MRPS27: variants seen among roughly 807,000 people sequenced by gnomAD.
MRPS27 encodes the protein small ribosomal subunit protein mS27.
A neutral mutation model predicts 48.9 loss-of-function variants in MRPS27; 43 were observed. The observed-to-expected ratio is 0.88, with a 90% confidence interval of 0.69 to 1.13. The LOEUF (loss-of-function observed/expected upper bound fraction) is 1.13, where lower values mean the gene tolerates loss of function less well. MRPS27 is among the 50% of genes most tolerant of loss of function. MRPS27 has a pLI of 0.00. For synonymous variants in MRPS27, 188 were observed against 171.9 expected (o/e 1.09, Z -0.73); for missense variants, 467 against 476.3 (o/e 0.98, Z 0.18).
intron 4 of MRPS27, among the ~76,000 whole-genome samples, chr5:72,247,234 C>A (rs566424083): frequency 2.0e-5 from 3 of 152,136 alleles, no homozygotes; most frequent in Non-Finnish European, 4.4e-5. Flanking sequence ...ACACAGCTTA[C>A]GGGCCAAACA....
chr5:72,309,651 T>TA (rs1216443543), intron 2 of MRPS27, among the ~76,000 whole-genome samples: 1 of 152,216 alleles, frequency 6.6e-6, no homozygotes, highest in Non-Finnish European at 1.5e-5. Context: ...TGACTGACTA[T>TA]ACCCAACACC....
chr5:72,271,845 C>T (rs147061961), intron 4 of MRPS27, among the ~76,000 whole-genome samples: 166 of 152,280 alleles, frequency 1.1e-3, no homozygotes, highest in African/African-American at 3.7e-3. Flanking sequence ...AAAAGGAGCA[C>T]GTGCCAGCCA....
At chr5:72,225,855 T>C (rs2289281) in intron 9 of MRPS27, among the ~76,000 whole-genome samples, 18,099 of 150,964 alleles carry the variant, frequency 0.12, 1,457 homozygotes, top group East Asian at 0.43. Flanking sequence ...GAACTATAAA[T>C]CAATGTTAAT....
At chr5:72,238,184 A>G (rs765089754) in intron 4 of MRPS27, 56 bp from the exon 5 acceptor site, 1 of 1,172,868 alleles carries the variant, frequency 8.5e-7, no homozygotes, top group Non-Finnish European at 1.3e-6. Flanking sequence ...GTTAAAACAC[A>G]TCTTCCATCG....
chr5:72,235,683 T>C (rs1268885748), intron 5 of MRPS27, among the ~76,000 whole-genome samples: 1 of 152,118 alleles, frequency 6.6e-6, no homozygotes. Flanking sequence ...CCCAAAATAA[T>C]TGAGGATGTT....
intron 4 of MRPS27, among the ~76,000 whole-genome samples, chr5:72,244,138 T>G (rs1361198285): frequency 6.6e-6 from 1 of 151,628 alleles, no homozygotes; most frequent in Non-Finnish European, 1.5e-5. Flanking sequence ...TGTGAGTAGT[T>G]TTTTTTTTGA....
At chr5:72,270,135 G>T (rs567452762) in intron 4 of MRPS27, among the ~76,000 whole-genome samples, 1 of 150,760 alleles carries the variant, frequency 6.6e-6, no homozygotes, top group Admixed American at 6.6e-5. Flanking sequence ...GGAGGTTACA[G>T]TGAGCTGAGA....
At chr5:72,297,074 C>A in intron 3 of MRPS27, among the ~76,000 whole-genome samples, 1 of 152,206 alleles carries the variant, frequency 6.6e-6, no homozygotes, top group Middle Eastern at 3.4e-3. Flanking sequence ...TAAACCATGT[C>A]TTACATAGAC....
intron 4 of MRPS27, among the ~76,000 whole-genome samples, chr5:72,282,595 T>G (rs902205522): frequency 2.0e-5 from 3 of 152,030 alleles, no homozygotes; most frequent in African/African-American, 7.2e-5. Flanking sequence ...ATTTTAGGAG[T>G]TTAAGGTTTA....
At chr5:72,306,853 T>C (rs973473118) in intron 2 of MRPS27, among the ~76,000 whole-genome samples, 3 of 152,150 alleles carry the variant, frequency 2.0e-5, no homozygotes, top group African/African-American at 7.2e-5. Context: ...GGTGGGGAGT[T>C]GATGAAACAA....
At chr5:72,232,676 A>G (rs1306295166) in intron 6 of MRPS27, 118 bp from the exon 7 acceptor site, 2 of 688,490 alleles carry the variant, frequency 2.9e-6, no homozygotes, top group African/African-American at 1.8e-5. Flanking sequence ...ATGCAGAATT[A>G]AGAAGTAAAA....
chr5:72,238,180 A>G, intron 4 of MRPS27, 52 bp from the exon 5 acceptor site: 1 of 1,236,014 alleles, frequency 8.1e-7, no homozygotes, highest in East Asian at 2.3e-5. Flanking sequence ...ATATGTTAAA[A>G]CACATCTTCC....
At chr5:72,226,377 G>A (rs986627651) in intron 8 of MRPS27, 178 bp from the exon 9 acceptor site, 8 of 660,940 alleles carry the variant, frequency 1.2e-5, no homozygotes, top group South Asian at 2.2e-5. Context: ...GGATAATGAC[G>A]AATGTGGTAA....
At chr5:72,303,096 G>C (rs1483113002) in intron 2 of MRPS27, among the ~76,000 whole-genome samples, 1 of 152,132 alleles carries the variant, frequency 6.6e-6, no homozygotes, top group African/African-American at 2.4e-5. Flanking sequence ...GCATATCCAT[G>C]GTTGCCTGGG....
Position 72,221,235 on chromosome 5 carries a change from A to T in MRPS27, c.1006-87T>A, listed in dbSNP as rs1747732348. On this transcript the variant is annotated intron_variant, in intron 10 of 10. Coordinates refer to ENST00000261413, the MANE Select transcript of MRPS27 (RefSeq NM_015084.3). ...AGGAAAAACTAGCCCTGAGTGACTG[A>T]CTTTAGATTTGAACAAAAGTTTGCT... 8.0e-6 allele frequency: 12 copies of T among 1,492,594 alleles called. No individual in the cohort carries two copies. The East Asian group carries it at 2.5e-4, about 31-fold the overall frequency. The allele number at this position is 1,492,594 out of a possible 1,614,324, so 92.5% of individuals were successfully genotyped here.
chr5:72,293,806 T>C (rs1441902995), intron 4 of MRPS27, among the ~76,000 whole-genome samples: 1 of 152,208 alleles, frequency 6.6e-6, no homozygotes, highest in Non-Finnish European at 1.5e-5. Context: ...AAAAACAGTT[T>C]ATATTTAGAA....
At position 72,220,860 on chromosome 5, in the gene MRPS27, G is replaced by T. The variant is rs369855570; in HGVS notation, c.*49C>A. The T allele has an allele frequency of 2.0e-4, 322 of 1,607,256 alleles. No homozygotes were observed. In the African/African-American group the frequency reaches 3.8e-3, roughly 19 times the overall value. ...CCAGGCCACTGCTGAGTCCTGGCAC[G>T]GGGTTGAGTGAAGTTCTTGTGAGAC... On this transcript the variant is annotated 3_prime_UTR_variant, in exon 11 of 11. Transcript: ENST00000261413.
intron 1 of MRPS27, among the ~76,000 whole-genome samples, chr5:72,318,609 A>G (rs552418492): frequency 6.6e-6 from 1 of 152,242 alleles, no homozygotes; most frequent in African/African-American, 2.4e-5. Flanking sequence ...AGCCTGACCA[A>G]CATGGAGAAA....
rs748303069 is a variant in MRPS27 at position 72,223,711 on chromosome 5, T to C, written c.977A>G (p.Lys326Arg). 1.9e-6 allele frequency: 3 copies of C among 1,613,938 alleles called. No individual in the cohort carries two copies. The highest frequency in any genetic ancestry group is 2.5e-6 in the Non-Finnish European group (3 of 1,179,956). Residue 326 changes from lysine to arginine, a missense_variant, in exon 10 of 11, where the codon AAG (lysine) becomes AGG (arginine). Lys to Arg is a conservative substitution (Grantham distance 26). Coordinates refer to ENST00000261413, the MANE Select transcript of MRPS27 (RefSeq NM_015084.3). ...QLDIEETEQSKLPQYLERFKA... is the reference protein window; with the variant it reads ...QLDIEETEQSRLPQYLERFKA... ...AAATCGTTCCAGGTATTGAGGAAGC[T>C]TGGACTGCTCTGTTTCCTCGATGTC...
Sources: gnomAD v4.1 joint callset for allele counts (sites outside exome capture counted in the v4.1 genomes callset) on GRCh38, gnomAD v4.1.1 for gene constraint, MANE v1.5 for transcripts, NCBI Gene and HGNC (gene_info 2026-07-23, HGNC 2026-07-21) for gene names.